Variants in ZNF644 observed in about 807,000 individuals in gnomAD.
ZNF644 encodes zinc finger motif enhancer binding protein 2.
Under a neutral mutation model 108.0 loss-of-function variants are expected in ZNF644, and 20 were observed. The ratio of observed to expected loss-of-function variants is 0.19; its 90% CI spans 0.13 to 0.27. The LOEUF (loss-of-function observed/expected upper bound fraction) is 0.27, where lower values mean the gene tolerates loss of function less well. ZNF644 is among the 10% of genes least tolerant of loss of function. The probability of loss-of-function intolerance (pLI) is 1.00; values close to 1 mark genes in which losing one functional copy is unlikely to be tolerated. For synonymous variants in ZNF644, 542 were observed against 539.1 expected, an observed-to-expected ratio of 1.01 and a Z score of -0.08; for missense variants, 1,338 against 1,548.9, an observed-to-expected ratio of 0.86 and a Z score of 2.29.
chr1:90,931,128 T>C (rs1650683765), intron 4 of ZNF644, among the ~76,000 whole-genome samples: 1 of 152,126 alleles, frequency 6.6e-6, no homozygotes, highest in South Asian at 2.1e-4. Flanking sequence ...AGTCACTCCA[T>C]TAATAACTTA....
chr1:90,938,313 T>C lies in ZNF644; in HGVS notation c.3041A>G (p.Lys1014Arg). The C allele has an allele frequency of 1.2e-6, 2 of 1,614,018 alleles. No homozygotes were observed. The highest frequency in any genetic ancestry group is 1.7e-6 in the Non-Finnish European group (2 of 1,179,910). Residue 1014 changes from lysine (K) to arginine (R), a missense_variant, in exon 3 of 6, where the codon AAA becomes AGA. This residue lies in a region of ZNF644 where 287 missense variants were observed against 310.9 expected (regional missense o/e 0.92). Coordinates refer to ENST00000337393, the MANE Select transcript of ZNF644 (RefSeq NM_201269.3). The surrounding 1 kb of genome is among the most constrained non-coding windows in gnomAD (Gnocchi z 4.2). ...AACAGGTGTTCCTGTGCCAGTTCTT[T>C]TGAAATGCTGCATTTTGTCACTTGT... Reference protein sequence around the residue: ...IATSDKMQHFKRTGTGTPVKR... With the variant: ...IATSDKMQHFRRTGTGTPVKR...
chr1:90,955,632 C>T (rs909326347), intron 2 of ZNF644, among the ~76,000 whole-genome samples: 24 of 152,294 alleles, frequency 1.6e-4, no homozygotes, highest in African/African-American at 4.6e-4. Context: ...ACTTTTCTTC[C>T]GAAACTTCCT....
At chr1:90,952,328 A>C (rs959388904) in intron 2 of ZNF644, among the ~76,000 whole-genome samples, 1 of 152,240 alleles carries the variant, frequency 6.6e-6, no homozygotes, top group African/African-American at 2.4e-5. Flanking sequence ...TAAACATGTA[A>C]TTATTCTCAC....
In ZNF644 at chr1:90,918,036, C is replaced by A; in HGVS notation, c.3791+16G>T. 1 of 1,597,826 alleles carries A rather than the reference C, an allele frequency of 6.3e-7. No individual in the cohort carries two copies. Among genetic ancestry groups the A allele is most frequent in the African/African-American group, 1.3e-5 (1 of 74,710 alleles). On this transcript the variant is annotated intron_variant, in intron 5 of 5. Transcript: ENST00000337393. Reference sequence around the variant, plus strand: ...GTATGAAGAAACTGATCAGATTTGGCAATATAGGCATATACCTGCATCGGA... The same window carrying A: ...GTATGAAGAAACTGATCAGATTTGGAAATATAGGCATATACCTGCATCGGA...
chr1:90,980,198 T>C (rs773398734), intron 2 of ZNF644, among the ~76,000 whole-genome samples: 23 of 152,184 alleles, frequency 1.5e-4, no homozygotes, highest in Non-Finnish European at 2.6e-4. Flanking sequence ...ACTCATACTC[T>C]AATAAAGAAG....
intron 2 of ZNF644, among the ~76,000 whole-genome samples, chr1:90,950,656 A>C (rs1653053906): frequency 6.6e-6 from 1 of 152,148 alleles, no homozygotes; most frequent in Non-Finnish European, 1.5e-5. Flanking sequence ...GGAGGCTTTA[A>C]ACGATTCTCC....
At chr1:91,000,460 G>A (rs1295817046) in intron 1 of ZNF644, among the ~76,000 whole-genome samples, 7 of 152,166 alleles carry the variant, frequency 4.6e-5, no homozygotes, top group African/African-American at 1.4e-4. Context: ...ACGAAATGAA[G>A]GCAGAAATAA....
chr1:90,986,526 T>G (rs1403998731), intron 1 of ZNF644, among the ~76,000 whole-genome samples: 5 of 152,040 alleles, frequency 3.3e-5, no homozygotes, highest in African/African-American at 1.2e-4. Context: ...ACTGTACTAA[T>G]GTAAGATGTT....
At chr1:90,994,329 A>T (rs1657919375) in intron 1 of ZNF644, among the ~76,000 whole-genome samples, 1 of 152,220 alleles carries the variant, frequency 6.6e-6, no homozygotes, top group Admixed American at 6.5e-5. Context: ...TAATTAAAGT[A>T]ATCACAGAAT....
chr1:90,991,466 C>T (rs1240099147), intron 1 of ZNF644, among the ~76,000 whole-genome samples: 1 of 152,168 alleles, frequency 6.6e-6, no homozygotes, highest in Non-Finnish European at 1.5e-5. Flanking sequence ...TATGTCCATA[C>T]AATGATGTAT....
intron 2 of ZNF644, among the ~76,000 whole-genome samples, chr1:90,963,545 A>T (rs979181065): frequency 6.6e-6 from 1 of 152,152 alleles, no homozygotes; most frequent in Non-Finnish European, 1.5e-5. Context: ...TGTTCACAGC[A>T]GCATTATTCA....
intron 2 of ZNF644, among the ~76,000 whole-genome samples, chr1:90,978,372 A>T (rs1272887707): frequency 6.6e-6 from 1 of 151,736 alleles, no homozygotes; most frequent in Non-Finnish European, 1.5e-5. Context: ...AAAAAAAGTG[A>T]AATACTAAAT....
At chr1:91,017,058 C>G (rs1271010355) in intron 1 of ZNF644, among the ~76,000 whole-genome samples, 2 of 152,192 alleles carry the variant, frequency 1.3e-5, no homozygotes, top group Non-Finnish European at 2.9e-5. Flanking sequence ...GTCTCAAACT[C>G]CTGACCTCAA....
intron 4 of ZNF644, among the ~76,000 whole-genome samples, chr1:90,922,476 C>T (rs111913471): frequency 0.02 from 3,015 of 152,176 alleles, 83 homozygotes; most frequent in African/African-American, 0.069. Context: ...AATCATCATT[C>T]TATCACTATT....
At chr1:90,975,436 C>CTTT (rs1243944087) in intron 2 of ZNF644, among the ~76,000 whole-genome samples, 7 of 135,356 alleles carry the variant, frequency 5.2e-5, no homozygotes, top group Admixed American at 1.5e-4. Context: ...CAAATATCTA[C>CTTT]TTTTTTTTTT....
Position 90,939,652 on chromosome 1 carries a change from T to C in ZNF644, c.1702A>G (p.Lys568Glu), listed in dbSNP as rs1368112295. 1 of 1,613,966 alleles carries C rather than the reference T, an allele frequency of 6.2e-7. No individual in the cohort carries two copies. The highest frequency in any genetic ancestry group is 1.3e-5 in the African/African-American group (1 of 74,936). Residue 568 changes from lysine (K) to glutamate (E), a missense_variant, in exon 3 of 6, where the codon AAA becomes GAA. Around this residue, in one of 6 missense-constraint regions of ZNF644, gnomAD observed 462 missense variants for 472.6 expected, o/e 0.98. Coordinates refer to ENST00000337393, the MANE Select transcript of ZNF644 (RefSeq NM_201269.3). ...TSDIAQRKTQ[K>E]KTFMKDSVVG... Reference sequence around the variant, plus strand: ...ACAGAGTCTTTCATGAAAGTCTTTTTTTGTGTTTTTCTCTGGGCAATATCA... The same window carrying C: ...ACAGAGTCTTTCATGAAAGTCTTTTCTTGTGTTTTTCTCTGGGCAATATCA...
At chr1:90,970,118 C>T (rs74099883) in intron 2 of ZNF644, among the ~76,000 whole-genome samples, 1,921 of 152,210 alleles carry the variant, frequency 0.013, 39 homozygotes, top group African/African-American at 0.044. Context: ...GGTGGTCCTG[C>T]CTATTCATAT....
At chr1:90,979,600 A>G (rs1032488605) in intron 2 of ZNF644, among the ~76,000 whole-genome samples, 18 of 152,256 alleles carry the variant, frequency 1.2e-4, no homozygotes, top group Non-Finnish European at 2.4e-4. Flanking sequence ...ATGTTATCAC[A>G]GTTCCAGGCT....
Position 90,916,522 on chromosome 1 carries a change from T to C in ZNF644, c.*276A>G. 4.6e-6 allele frequency: 2 copies of C among 437,150 alleles called. No homozygotes were observed. Among genetic ancestry groups the C allele is most frequent in the Non-Finnish European group, 8.4e-6 (2 of 239,452 alleles). 27.1% of individuals were successfully genotyped at this position (437,150 alleles called of 1,614,324 possible). A position where few individuals can be genotyped will look rare whatever the true frequency, so the allele number is the denominator to read the frequency against. ...TCTATAAGTATCCATGTGCAACAGT[T>C]TATTAATGGCTGCTTACATGTACTG... On this transcript the variant is annotated 3_prime_UTR_variant, in exon 6 of 6. Coordinates refer to ENST00000337393, the MANE Select transcript of ZNF644 (RefSeq NM_201269.3).
Sources: allele counts gnomAD v4.1 joint callset (sites outside exome capture counted in the v4.1 genomes callset), GRCh38; gene constraint gnomAD v4.1.1; regional missense constraint gnomAD v4.1.1; non-coding constraint Gnocchi (gnomAD v3.1); transcripts MANE v1.5; gene names NCBI Gene and HGNC (gene_info 2026-07-23, HGNC 2026-07-21).